The following CYB5R3 variants were observed in gnomAD, a reference collection of about 807,000 sequenced individuals.
CYB5R3 encodes cytochrome b5 reductase 3.
CYB5R3 carries 28 observed loss-of-function variants against 36.5 expected under a neutral mutation model. The ratio of observed to expected loss-of-function variants is 0.77; its 90% CI spans 0.57 to 1.05. The LOEUF (loss-of-function observed/expected upper bound fraction) is 1.05, where lower values mean the gene tolerates loss of function less well. CYB5R3 is among the 50% of genes least tolerant of loss of function. CYB5R3 has a pLI of 0.00. For missense variants in CYB5R3, 474 were observed against 408.9 expected (o/e 1.16, Z -1.37); for synonymous variants, 181 against 159.8 (o/e 1.13, Z -1.00).
At chr22:42,623,205 G>A (rs991525727) in intron 8 of CYB5R3, among the ~76,000 whole-genome samples, 26 of 152,204 alleles carry the variant, frequency 1.7e-4, no homozygotes, top group African/African-American at 6.3e-4. Context: ...AAAAGGGAAG[G>A]GCGCTTTAAC....
In CYB5R3 at chr22:42,627,346, G is replaced by T. The variant is rs761424072; in HGVS notation, c.591C>A (p.Asp197Glu). Residue 197 changes from aspartate (D) to glutamate (E), a missense_variant, in exon 7 of 9, where the codon GAC (aspartate) becomes GAA (glutamate). Physicochemically the swap from Asp to Glu is conservative, Grantham distance 45 (BLOSUM62 2). Transcript: ENST00000352397. Reference protein sequence around the residue: ...MLQVIRAIMKDPDDHTVCHLL... With the variant: ...MLQVIRAIMKEPDDHTVCHLL... ...GGTGGCACACAGTGTGGTCATCAGG[G>T]TCCTTCATGATGGCGCGGATCACCT... 13 of 1,613,876 alleles carry T rather than the reference G, an allele frequency of 8.1e-6. No homozygotes were observed. The highest frequency in any genetic ancestry group is 1.3e-5 in the African/African-American group (1 of 74,938).
In CYB5R3 at chr22:42,644,498, A is replaced by T. The variant is rs1462681202; in HGVS notation, c.21+4797T>A. ...TGCTCTGCATGCATCCAACCAGCAAACTCCTATTCATTCCTCAGAGCCTAG... is the reference window on the plus strand; with the variant it reads ...TGCTCTGCATGCATCCAACCAGCAATCTCCTATTCATTCCTCAGAGCCTAG... On this transcript the variant is annotated intron_variant, in intron 1 of 8. Coordinates refer to ENST00000352397, the MANE Select transcript of CYB5R3 (RefSeq NM_000398.7). 7 of 1,224,120 alleles carry T rather than the reference A, an allele frequency of 5.7e-6. No individual in the cohort carries two copies. In the South Asian group the frequency reaches 7.7e-5, roughly 13 times the overall value. 75.8% of individuals were successfully genotyped at this position (1,224,120 alleles called of 1,614,324 possible).
At chr22:42,641,428 T>C (rs1929267145) in intron 1 of CYB5R3, among the ~76,000 whole-genome samples, 1 of 152,066 alleles carries the variant, frequency 6.6e-6, no homozygotes, top group African/African-American at 2.4e-5. Flanking sequence ...TGCCTCAACC[T>C]CCCAAGTAGC....
chr22:42,630,965 G>C lies in CYB5R3; in HGVS notation c.250C>G (p.Arg84Gly), dbSNP rs1210302322. The change falls in exon 4 of 9, where the codon CGA becomes GGA. Residue 84 changes from arginine (R) to glycine (G), a missense_variant. Coordinates refer to ENST00000352397, the MANE Select transcript of CYB5R3 (RefSeq NM_000398.7). ...CGGACGACCAGGTTTCCATCAATTC[G>C]AGCCGAGAGGTAGATGTGCTGGCCT... Reference protein sequence around the residue: ...PVGQHIYLSARIDGNLVVRPY... With the variant: ...PVGQHIYLSAGIDGNLVVRPY... 8 of 1,613,924 alleles carry C rather than the reference G, an allele frequency of 5.0e-6. No individual in the cohort carries two copies. Among genetic ancestry groups the C allele is most frequent in the African/African-American group, 2.7e-5 (2 of 75,038 alleles).
In CYB5R3 at chr22:42,630,961, A is replaced by T. The variant is rs1288960122; in HGVS notation, c.254T>A (p.Ile85Asn). The change falls in exon 4 of 9, where the codon ATT becomes AAT. Residue 85 changes from isoleucine to asparagine, a missense_variant. Ile to Asn is a moderately radical substitution (Grantham distance 149, BLOSUM62 -3). Coordinates refer to ENST00000352397, the MANE Select transcript of CYB5R3 (RefSeq NM_000398.7). ...VGQHIYLSAR[I>N]DGNLVVRPYT... The stretch of plus-strand genomic sequence containing the variant: ...GGGCCGGACGACCAGGTTTCCATCA[A>T]TTCGAGCCGAGAGGTAGATGTGCTG... 1.2e-6 allele frequency: 2 copies of T among 1,613,986 alleles called. No homozygotes were observed. The highest frequency in any genetic ancestry group is 1.1e-5 in the South Asian group (1 of 91,048).
At chr22:42,627,741 G>T in intron 5 of CYB5R3, 53 bp from the exon 6 acceptor site, 1 of 1,270,148 alleles carries the variant, frequency 7.9e-7, no homozygotes, top group Non-Finnish European at 1.2e-6. Context: ...ATGTGTGGTG[G>T]CTGGAGAGGC....
intron 7 of CYB5R3, among the ~76,000 whole-genome samples, chr22:42,624,476 C>A (rs1307495635): frequency 6.6e-6 from 1 of 150,644 alleles, no homozygotes; most frequent in Non-Finnish European, 1.5e-5. Context: ...GCTCCCCCAC[C>A]CCCACCCGGC....
Position 42,649,342 on chromosome 22 carries a change from T to TCGCCGCCGC in CYB5R3, c.-36_-28dup, listed in dbSNP as rs529486436. 5.2e-6 allele frequency: 5 copies of TCGCCGCCGC among 969,130 alleles called. No individual in the cohort carries two copies. Among genetic ancestry groups the TCGCCGCCGC allele is most frequent in the East Asian group, 1.0e-4 (1 of 9,888 alleles). 60.0% of individuals were successfully genotyped at this position (969,130 alleles called of 1,614,324 possible). ...GTGGCCCCGCGCCGCGCTCGCTCTG[T>TCGCCGCCGC]CGCCGCCGCCGCCGCCGCCGAGACC... is the stretch of plus-strand genomic sequence containing the variant. On this transcript the variant is annotated 5_prime_UTR_variant, in exon 1 of 9. Coordinates refer to ENST00000352397, the MANE Select transcript of CYB5R3 (RefSeq NM_000398.7).
chr22:42,639,843 C>CTTTTT, intron 1 of CYB5R3: 36 of 1,010,990 alleles, frequency 3.6e-5, no homozygotes, highest in Non-Finnish European at 4.2e-5. Flanking sequence ...GCTTGATTCA[C>CTTTTT]TTTTTTTTTT....
At chr22:42,634,613 A>G (rs1000331267) in intron 2 of CYB5R3, among the ~76,000 whole-genome samples, 10 of 142,544 alleles carry the variant, frequency 7.0e-5, no homozygotes, top group African/African-American at 2.6e-4. Flanking sequence ...CGCCCGGCTA[A>G]TTTTCATATT....
intron 2 of CYB5R3, chr22:42,632,063 ACAGTGG>A (rs1011394974): frequency 1.3e-5 from 2 of 156,060 alleles, no homozygotes; most frequent in African/African-American, 2.4e-5. Context: ...AGTGGCTGGG[ACAGTGG>A]CAGAGGAGGA....
At chr22:42,628,845 A>G (rs888836945) in intron 4 of CYB5R3, among the ~76,000 whole-genome samples, 1 of 152,092 alleles carries the variant, frequency 6.6e-6, no homozygotes, top group Non-Finnish European at 1.5e-5. Context: ...AGTCTGATGG[A>G]TGGAGAAGGG....
chr22:42,636,577 G>A (rs1928903003), intron 2 of CYB5R3, 138 bp downstream of exon 2: 1 of 1,374,158 alleles, frequency 7.3e-7, no homozygotes. Context: ...CTTAGCAAGA[G>A]ACATCACCTT....
chr22:42,629,241 G>A lies in CYB5R3; in HGVS notation c.334-960C>T, dbSNP rs557853737. ...TACTGGGGCCTCCAAGGCCCCGTCT[G>A]GCCCCACTGACCTCTCCCACCCCTT... On this transcript the variant is annotated intron_variant, in intron 4 of 8. Coordinates refer to ENST00000352397, the MANE Select transcript of CYB5R3 (RefSeq NM_000398.7). 2.1e-3 allele frequency among the ~76,000 whole-genome samples: 318 copies of A among 152,234 alleles called. 1 individual carries two copies. The highest frequency in any genetic ancestry group is 7.3e-3 in the African/African-American group (305 of 41,528).
intron 1 of CYB5R3, among the ~76,000 whole-genome samples, chr22:42,638,803 C>T (rs1448620725): frequency 9.7e-5 from 14 of 144,732 alleles, no homozygotes; most frequent in African/African-American, 1.1e-4. Flanking sequence ...GAGGCTGAGG[C>T]GGGGGGATCA....
intron 2 of CYB5R3, among the ~76,000 whole-genome samples, chr22:42,636,030 C>T (rs1490811924): frequency 2.0e-5 from 3 of 152,046 alleles, no homozygotes; most frequent in Non-Finnish European, 2.9e-5. Context: ...GCCTGGGCAA[C>T]AGGACGAAAC....
intron 8 of CYB5R3, among the ~76,000 whole-genome samples, chr22:42,622,536 C>T (rs1217680549): frequency 6.6e-6 from 1 of 152,150 alleles, no homozygotes; most frequent in Non-Finnish European, 1.5e-5. Context: ...CATCCACCAC[C>T]CCCTCCAGGC....
At chr22:42,631,616 C>G in intron 2 of CYB5R3, 166 bp from the exon 3 acceptor site, 1 of 682,934 alleles carries the variant, frequency 1.5e-6, no homozygotes, top group Non-Finnish European at 2.7e-6. Context: ...CAGATGCACA[C>G]ACATGCACGC....
chr22:42,634,591 C>T (rs1928785721), intron 2 of CYB5R3, among the ~76,000 whole-genome samples: 3 of 150,690 alleles, frequency 2.0e-5, no homozygotes, highest in African/African-American at 7.3e-5. Context: ...GGATTACAGG[C>T]ATCTGCCACC....
Sources: allele counts gnomAD v4.1 joint callset (sites outside exome capture counted in the v4.1 genomes callset), GRCh38; gene constraint gnomAD v4.1.1; transcripts MANE v1.5; gene names NCBI Gene and HGNC (gene_info 2026-07-23, HGNC 2026-07-21).